The following PCDH15 variants were observed in gnomAD, a reference collection of about 807,000 sequenced individuals.
PCDH15 encodes the protein protocadherin related 15, also known as protocadherin-15.
Under a neutral mutation model 178.5 loss-of-function variants are expected in PCDH15, and 129 were observed. The observed-to-expected ratio is 0.72, with a 90% CI of 0.63 to 0.84. PCDH15 has a LOEUF of 0.84. Among genes scored for constraint, PCDH15 ranks in the 40% least tolerant of loss-of-function variants. The pLI is 0.00. For missense variants in PCDH15, 2,230 were observed against 2,099.9 expected (o/e 1.06, Z -1.21); for synonymous variants, 800 against 732.0 (o/e 1.09, Z -1.50).
At position 53,802,826 on chromosome 10, in the gene PCDH15, A is replaced by G. The variant is rs1386989895; in HGVS notation, c.*3753T>C. 1 of 151,984 alleles carries G rather than the reference A, an allele frequency of 6.6e-6. No homozygotes were observed. The highest frequency in any genetic ancestry group is 1.5e-5 in the Non-Finnish European group (1 of 67,882). 9.4% of individuals were successfully genotyped at this position (151,984 alleles called of 1,614,324 possible). ...TGTGTAGTGAATAACAATGCATTTT[A>G]ACTTAAAACTTCTAATTCAGATTCT... On this transcript the variant is annotated 3_prime_UTR_variant, in exon 38 of 38. Transcript: ENST00000644397.
intron 2 of PCDH15, among the ~76,000 whole-genome samples, chr10:55,138,296 C>T (rs925922261): frequency 2.0e-5 from 3 of 152,024 alleles, no homozygotes; most frequent in South Asian, 2.1e-4. Flanking sequence ...GGTTCTTTTA[C>T]GTGTTTACCC....
At chr10:54,661,627 G>T (rs1415427007) in intron 2 of PCDH15, among the ~76,000 whole-genome samples, 1 of 151,850 alleles carries the variant, frequency 6.6e-6, no homozygotes, top group Non-Finnish European at 1.5e-5. Context: ...GAAGTTGGGG[G>T]CATCACATTA....
chr10:54,836,147 C>A (rs1044186650), intron 3 of PCDH15, among the ~76,000 whole-genome samples: 1 of 152,066 alleles, frequency 6.6e-6, no homozygotes, highest in Non-Finnish European at 1.5e-5. Context: ...AATGTCTAAA[C>A]GTCTGCAGAG....
At chr10:55,245,674 G>A (rs976139231) in intron 1 of PCDH15, among the ~76,000 whole-genome samples, 10 of 152,064 alleles carry the variant, frequency 6.6e-5, no homozygotes, top group African/African-American at 1.4e-4. Context: ...TATATGTGGT[G>A]TCCAAAAATT....
intron 2 of PCDH15, among the ~76,000 whole-genome samples, chr10:55,531,181 G>T (rs1051129620): frequency 2.0e-5 from 3 of 151,896 alleles, no homozygotes; most frequent in Non-Finnish European, 2.9e-5. Flanking sequence ...CTGCATAAAA[G>T]ATGTAGTGAC....
At chr10:53,831,105 G>T (rs532677365) in intron 30 of PCDH15, 1 of 758,356 alleles carries the variant, frequency 1.3e-6, no homozygotes, top group South Asian at 1.4e-5. Flanking sequence ...AGAATCACAG[G>T]AATATTGGGC....
intron 2 of PCDH15, among the ~76,000 whole-genome samples, chr10:54,565,249 T>C (rs2088850747): frequency 6.6e-6 from 1 of 152,180 alleles, no homozygotes; most frequent in Non-Finnish European, 1.5e-5. Flanking sequence ...ATCAACAAAT[T>C]TGCATGTTGT....
chr10:55,352,682 C>T (rs1844968295), intron 2 of PCDH15, among the ~76,000 whole-genome samples: 2 of 152,032 alleles, frequency 1.3e-5, no homozygotes, highest in Admixed American at 6.6e-5. Flanking sequence ...AGTGTTGTCT[C>T]CTCTTATTTT....
At chr10:54,521,554 T>A (rs1028437659) in intron 3 of PCDH15, among the ~76,000 whole-genome samples, 1 of 152,308 alleles carries the variant, frequency 6.6e-6, no homozygotes, top group South Asian at 2.1e-4. Context: ...TCCCTCTTTA[T>A]TAATGATTTT....
intron 3 of PCDH15, among the ~76,000 whole-genome samples, chr10:54,476,817 A>C (rs2078307712): frequency 6.6e-6 from 1 of 152,148 alleles, no homozygotes; most frequent in Admixed American, 6.6e-5. Context: ...CAGGCCCATC[A>C]TGGGGTCAAA....
intron 2 of PCDH15, among the ~76,000 whole-genome samples, chr10:55,076,158 C>G (rs1363153634): frequency 6.6e-6 from 1 of 152,052 alleles, no homozygotes; most frequent in Non-Finnish European, 1.5e-5. Flanking sequence ...AACATATGGC[C>G]TATTCTAGAG....
At chr10:55,618,722 T>G (rs59870719) in intron 2 of PCDH15, among the ~76,000 whole-genome samples, 8,928 of 152,030 alleles carry the variant, frequency 0.059, 583 homozygotes, top group East Asian at 0.31. Flanking sequence ...ATGTCCAGTT[T>G]TAGAGAAACT....
chr10:55,488,643 G>A (rs951568565), intron 2 of PCDH15, among the ~76,000 whole-genome samples: 9 of 151,308 alleles, frequency 5.9e-5, no homozygotes, highest in Non-Finnish European at 1.0e-4. Flanking sequence ...AATTATCAGA[G>A]CCAATTAGGA....
At chr10:54,059,885 T>C (rs776736822) in intron 18 of PCDH15, among the ~76,000 whole-genome samples, 3 of 152,226 alleles carry the variant, frequency 2.0e-5, no homozygotes, top group African/African-American at 7.2e-5. Context: ...TCGTGGCACA[T>C]TGTAAGAATT....
At chr10:54,343,481 T>C (rs1942645363) in intron 6 of PCDH15, among the ~76,000 whole-genome samples, 1 of 152,156 alleles carries the variant, frequency 6.6e-6, no homozygotes, top group South Asian at 2.1e-4. Flanking sequence ...CCAGTCTTAG[T>C]TATTCTTTAT....
At position 54,879,877 on chromosome 10, in the gene PCDH15, T is replaced by G. The variant is rs376663961; in HGVS notation, c.-29+17573A>C. Among the ~76,000 whole-genome samples the G allele has an allele frequency of 6.6e-5, 10 of 152,096 alleles. No individual in the cohort carries two copies. The East Asian group carries it at 1.7e-3, about 27-fold the overall frequency. On this transcript the variant is annotated intron_variant, in intron 3 of 5. Coordinates refer to the PCDH15 transcript ENST00000458638. ...AATGTCTTGGAGAAAAGTTTGCAGA[T>G]AACTGTGATCATCATGATTCCTTAA...
intron 1 of PCDH15, among the ~76,000 whole-genome samples, chr10:54,716,579 A>G (rs1228203276): frequency 6.6e-6 from 1 of 152,048 alleles, no homozygotes; most frequent in African/African-American, 2.4e-5. Flanking sequence ...ATTGATATAT[A>G]AGAATGCTTG....
intron 2 of PCDH15, among the ~76,000 whole-genome samples, chr10:55,039,201 A>G (rs1281870557): frequency 6.6e-6 from 1 of 152,072 alleles, no homozygotes; most frequent in African/African-American, 2.4e-5. Flanking sequence ...CAGAATACAG[A>G]AAAAAAAGAG....
chr10:54,326,563 G>A (rs1422195496), intron 7 of PCDH15, among the ~76,000 whole-genome samples: 1 of 152,000 alleles, frequency 6.6e-6, no homozygotes, highest in East Asian at 1.9e-4. Context: ...ATTGTAACCA[G>A]AACAATGTGG....
Sources: allele counts gnomAD v4.1 joint callset (sites outside exome capture counted in the v4.1 genomes callset), GRCh38; gene constraint gnomAD v4.1.1; transcripts MANE v1.5; gene names NCBI Gene and HGNC (gene_info 2026-07-23, HGNC 2026-07-21).